Variants in PIEZO2 observed in about 807,000 individuals in gnomAD.
PIEZO2 encodes piezo-type mechanosensitive ion channel component 2.
In PIEZO2, 172 loss-of-function variants were observed where a neutral mutation model predicts 337.3. The ratio of observed to expected loss-of-function variants is 0.51; its 90% CI spans 0.45 to 0.58. PIEZO2 has a LOEUF of 0.58. Ranked by LOEUF, PIEZO2 falls within the 20% of genes least tolerant of loss-of-function variation. The probability of loss-of-function intolerance (pLI) is 0.00; values close to 1 mark genes in which losing one functional copy is unlikely to be tolerated. For missense variants in PIEZO2, 3,028 were observed against 3,391.3 expected, an observed-to-expected ratio of 0.89 and a Z score of 2.66; for synonymous variants, 1,251 against 1,228.5, an observed-to-expected ratio of 1.02 and a Z score of -0.38.
At chr18:11,114,650 G>A (rs879314850) in intron 1 of PIEZO2, among the ~76,000 whole-genome samples, 1 of 150,922 alleles carries the variant, frequency 6.6e-6, no homozygotes, top group Non-Finnish European at 1.5e-5. Flanking sequence ...GGGCAACAGA[G>A]GGAGACTCTG....
At chr18:11,011,019 C>T (rs1291408851) in intron 2 of PIEZO2, among the ~76,000 whole-genome samples, 1 of 152,204 alleles carries the variant, frequency 6.6e-6, no homozygotes, top group Admixed American at 6.5e-5. Flanking sequence ...CACAAGTCCC[C>T]ATGCTACGTG....
rs368619087 is a variant in PIEZO2, at chr18:10,759,792, T to C, written c.3568A>G (p.Ile1190Val). The change falls in exon 25 of 56, where the codon ATC (isoleucine) becomes GTC (valine). Residue 1190 changes from isoleucine to valine, a missense_variant. Physicochemically the swap from Ile to Val is conservative, Grantham distance 29. Around this residue, in one of 5 missense-constraint regions of PIEZO2, gnomAD observed 1,925 missense variants for 2,051.9 expected, o/e 0.94. Transcript: ENST00000674853. This position sits in a 1 kb window ranked among gnomAD's most constrained non-coding sequence, Gnocchi z 5.5. ...AGGAAGCAGCAGTACTTGGGCCAGA[T>C]CTCTGCGATGGCTTTCCTTCTGCGT... The part of the protein sequence containing the change: ...YRRRRKAIAE[I>V]WPKYCCFLAC... The C allele has an allele frequency of 1.3e-6, 2 of 1,537,184 alleles. No individual in the cohort carries two copies. Among genetic ancestry groups the C allele is most frequent in the Admixed American group, 2.0e-5 (1 of 50,984 alleles).
Position 10,749,943 on chromosome 18 carries a change from A to G in PIEZO2, c.4264+148T>C, listed in dbSNP as rs2037581754. ...CTCATGTTATAGACAATAGATTCAC[A>G]ATGTACTACAGTTCTACAGCCTCCA... is the stretch of plus-strand genomic sequence containing the variant. On this transcript the variant is annotated intron_variant, in intron 29 of 55. Coordinates refer to ENST00000674853, the MANE Select transcript of PIEZO2 (RefSeq NM_001378183.1). The G allele has an allele frequency of 5.0e-6, 3 of 599,240 alleles. No homozygotes were observed. In the East Asian group the frequency reaches 8.4e-5, roughly 17 times the overall value. 37.1% of individuals were successfully genotyped at this position (599,240 alleles called of 1,614,324 possible).
At chr18:10,763,848 C>T (rs966555138) in intron 21 of PIEZO2, among the ~76,000 whole-genome samples, 3 of 152,098 alleles carry the variant, frequency 2.0e-5, no homozygotes, top group Admixed American at 6.5e-5. Context: ...GGGGAGGAGG[C>T]GCGGATTCAA....
At chr18:10,706,963 G>T (rs372404703) in intron 40 of PIEZO2, among the ~76,000 whole-genome samples, 3 of 152,244 alleles carry the variant, frequency 2.0e-5, no homozygotes, top group African/African-American at 7.2e-5. Flanking sequence ...ACATATGGAT[G>T]AATGAATGAA....
At position 10,681,659 on chromosome 18, in the gene PIEZO2, A is replaced by T. The variant is rs538567651; in HGVS notation, c.7779+2T>A. On this transcript the variant is annotated splice_donor_variant, in intron 51 of 55. Coordinates refer to ENST00000674853, the MANE Select transcript of PIEZO2 (RefSeq NM_001378183.1). LOFTEE classifies it high-confidence loss of function. ...AGAAATCTACTATAGGGATTTACTT[A>T]CGGTGTCCCTAGAAAAAGCTTGTAT... The T allele has an allele frequency of 6.3e-7, 1 of 1,576,764 alleles. No homozygotes were observed. Among genetic ancestry groups the T allele is most frequent in the Non-Finnish European group, 8.7e-7 (1 of 1,146,200 alleles).
intron 2 of PIEZO2, among the ~76,000 whole-genome samples, chr18:11,065,904 T>C (rs2038131655): frequency 6.6e-6 from 1 of 152,216 alleles, no homozygotes; most frequent in South Asian, 2.1e-4. Context: ...GAAGCCCTAA[T>C]AGGGAATTTG....
At chr18:11,089,690 A>G (rs2039013908) in intron 1 of PIEZO2, among the ~76,000 whole-genome samples, 2 of 152,182 alleles carry the variant, frequency 1.3e-5, no homozygotes, top group Non-Finnish European at 2.9e-5. Context: ...ATGTTGACAG[A>G]CAGAGTGTCC....
At chr18:10,755,885 G>A (rs1407899876) in intron 27 of PIEZO2, among the ~76,000 whole-genome samples, 2 of 151,806 alleles carry the variant, frequency 1.3e-5, no homozygotes, top group Non-Finnish European at 2.9e-5. Context: ...GAGGCAGGAT[G>A]GGGAATAAGG....
At chr18:10,838,869 G>A (rs1184138153) in intron 7 of PIEZO2, among the ~76,000 whole-genome samples, 2 of 152,136 alleles carry the variant, frequency 1.3e-5, no homozygotes, top group Admixed American at 6.5e-5. Flanking sequence ...AGCTCAACAC[G>A]TAAGCCAGGC....
intron 2 of PIEZO2, among the ~76,000 whole-genome samples, chr18:11,052,887 G>T (rs984971099): frequency 6.6e-6 from 1 of 152,162 alleles, no homozygotes; most frequent in Non-Finnish European, 1.5e-5. Flanking sequence ...CCAGACCCTT[G>T]TTCCCAGAGC....
chr18:10,836,478 T>C (rs1452626695), intron 7 of PIEZO2, among the ~76,000 whole-genome samples: 2 of 152,158 alleles, frequency 1.3e-5, no homozygotes, highest in African/African-American at 4.8e-5. Flanking sequence ...CTTACTATAT[T>C]GAGGAAAGGA....
rs138687971 is a variant in PIEZO2, at chr18:10,909,236, C to G, written c.329+1950G>C. Among the ~76,000 whole-genome samples, 52 of 152,246 alleles carry G rather than the reference C, an allele frequency of 3.4e-4. No individual in the cohort carries two copies. In the East Asian group the frequency reaches 9.5e-3, roughly 28 times the overall value. On this transcript the variant is annotated intron_variant, in intron 4 of 55. Transcript: ENST00000674853. ...TGAAATGAGGGATTAGAATAACAAA[C>G]AATATTGCAAACAGACAAATTCAGA...
intron 28 of PIEZO2, 108 bp downstream of exon 28, chr18:10,752,528 G>T (rs1476465723): frequency 3.9e-6 from 5 of 1,290,144 alleles, no homozygotes; most frequent in Non-Finnish European, 5.2e-6. Flanking sequence ...TCTTATTGGG[G>T]CTTTTAAGAG....
chr18:10,859,525 T>C lies in PIEZO2; in HGVS notation c.493-2314A>G, dbSNP rs2041817339. On this transcript the variant is annotated intron_variant, in intron 5 of 55. Transcript: ENST00000674853. The surrounding 1 kb of genome is among the most constrained non-coding windows in gnomAD (Gnocchi z 4.9). ...CACCAGGGAGAGAACAGCCCAGCCATCCTGGCTCTCTCTCCTGCATCACAA... is the reference window on the plus strand; with the variant it reads ...CACCAGGGAGAGAACAGCCCAGCCACCCTGGCTCTCTCTCCTGCATCACAA... Among the ~76,000 whole-genome samples, 1 of 152,206 alleles carries C rather than the reference T, an allele frequency of 6.6e-6. No individual in the cohort carries two copies. Among genetic ancestry groups the C allele is most frequent in the African/African-American group, 2.4e-5 (1 of 41,460 alleles).
At chr18:10,747,167 A>T (rs550065961) in intron 30 of PIEZO2, among the ~76,000 whole-genome samples, 1 of 152,326 alleles carries the variant, frequency 6.6e-6, no homozygotes, top group East Asian at 1.9e-4. Flanking sequence ...CTATAACATG[A>T]TGGGCATGAT....
chr18:11,141,718 G>A (rs929315326), intron 1 of PIEZO2, among the ~76,000 whole-genome samples: 10 of 152,166 alleles, frequency 6.6e-5, no homozygotes, highest in Admixed American at 2.0e-4. Flanking sequence ...AGAAGGCCCC[G>A]GGGAGACAGG....
intron 3 of PIEZO2, among the ~76,000 whole-genome samples, chr18:10,978,105 G>A (rs568943113): frequency 1.3e-3 from 195 of 152,158 alleles, no homozygotes; most frequent in African/African-American, 4.5e-3. Context: ...GGCGGATCAC[G>A]AGGTCAGGAG....
intron 2 of PIEZO2, among the ~76,000 whole-genome samples, chr18:11,025,730 C>T (rs1462895520): frequency 1.3e-5 from 2 of 152,158 alleles, no homozygotes; most frequent in East Asian, 1.9e-4. Context: ...GCCCCATCCT[C>T]GAAGTTACTC....
Sources: gnomAD v4.1 joint callset for allele counts (sites outside exome capture counted in the v4.1 genomes callset) on GRCh38, gnomAD v4.1.1 for gene constraint, gnomAD v4.1.1 regional missense constraint, Gnocchi (gnomAD v3.1) non-coding constraint, MANE v1.5 for transcripts, NCBI Gene and HGNC (gene_info 2026-07-23, HGNC 2026-07-21) for gene names.